The following ZFHX3 variants were observed in gnomAD, a reference collection of about 807,000 sequenced individuals.
ZFHX3 encodes the protein zinc finger homeobox protein 3.
ZFHX3 carries 42 observed loss-of-function variants against 279.1 expected under a neutral mutation model. The observed-to-expected ratio is 0.15, with a 90% CI of 0.12 to 0.19. The LOEUF is 0.19. Among genes scored for constraint, ZFHX3 ranks in the 10% least tolerant of loss-of-function variants. ZFHX3 has a pLI of 1.00. For synonymous variants in ZFHX3, 2,293 were observed against 1,957.8 expected (o/e 1.17, Z -4.52); for missense variants, 4,981 against 4,754.0 (o/e 1.05, Z -1.40).
chr16:73,687,350 A>C (rs1485338468), intron 1 of ZFHX3, among the ~76,000 whole-genome samples: 1 of 150,818 alleles, frequency 6.6e-6, no homozygotes, highest in Non-Finnish European at 1.5e-5. Context: ...ACCACCGCAC[A>C]CCAGCCTGGG....
At chr16:73,485,077 C>T (rs2018949674) in intron 2 of ZFHX3, among the ~76,000 whole-genome samples, 1 of 152,100 alleles carries the variant, frequency 6.6e-6, no homozygotes, top group South Asian at 2.1e-4. Flanking sequence ...GAAGTAATGG[C>T]TAGTTGCATG....
At chr16:73,041,965 G>C (rs940553160) in intron 1 of ZFHX3, among the ~76,000 whole-genome samples, 1 of 152,268 alleles carries the variant, frequency 6.6e-6, no homozygotes, top group African/African-American at 2.4e-5. Flanking sequence ...GAGAAGAAAG[G>C]CACCCATGTG....
At chr16:73,538,360 T>TA (rs376262076) in intron 2 of ZFHX3, among the ~76,000 whole-genome samples, 31 of 151,652 alleles carry the variant, frequency 2.0e-4, no homozygotes, top group African/African-American at 6.8e-4. Context: ...TCATGAAAAA[T>TA]AAAAAAAAGT....
At chr16:73,677,975 C>G (rs1404136996) in intron 2 of ZFHX3, among the ~76,000 whole-genome samples, 2 of 152,014 alleles carry the variant, frequency 1.3e-5, no homozygotes, top group Non-Finnish European at 2.9e-5. Flanking sequence ...AGATACCAGT[C>G]TACTCCAATA....
At chr16:73,065,254 A>G (rs1010902353) in intron 8 of ZFHX3, among the ~76,000 whole-genome samples, 1 of 152,232 alleles carries the variant, frequency 6.6e-6, no homozygotes, top group Non-Finnish European at 1.5e-5. Flanking sequence ...GTTGACACGC[A>G]GACACGCAGG....
intron 1 of ZFHX3, among the ~76,000 whole-genome samples, chr16:73,832,551 T>C (rs1961026625): frequency 6.6e-6 from 1 of 152,186 alleles, no homozygotes; most frequent in Admixed American, 6.5e-5. Flanking sequence ...TTTTTTATTT[T>C]TGTTTAAGAG....
At chr16:73,382,623 C>G in intron 3 of ZFHX3, among the ~76,000 whole-genome samples, 1 of 148,818 alleles carries the variant, frequency 6.7e-6, no homozygotes, top group African/African-American at 2.6e-5. Flanking sequence ...CAGACTACCC[C>G]ACTTGCCCCA....
At position 73,127,751 on chromosome 16, in the gene ZFHX3, C is replaced by T. The variant is rs377264297; in HGVS notation, c.-897+3217G>A. ...TGGCTGCAGAGAAAGTTGGACAATG[C>T]CTGGTCCTATCACAGACAGAAGCAG... is the stretch of plus-strand genomic sequence containing the variant. On this transcript the variant is annotated intron_variant, in intron 7 of 17. Coordinates refer to the ZFHX3 transcript ENST00000641206. Among the ~76,000 whole-genome samples the T allele has an allele frequency of 4.0e-4, 61 of 152,312 alleles. No individual in the cohort carries two copies. The East Asian group carries it at 7.1e-3, about 18-fold the overall frequency.
chr16:73,225,955 C>T (rs567041740), intron 5 of ZFHX3, among the ~76,000 whole-genome samples: 2 of 152,344 alleles, frequency 1.3e-5, no homozygotes, highest in Admixed American at 6.5e-5. Flanking sequence ...AGCACCTGAG[C>T]TCCTGGTCCC....
At position 73,423,519 on chromosome 16, in the gene ZFHX3, T is replaced by A. The variant is rs545633203; in HGVS notation, c.-1291+32484A>T. On this transcript the variant is annotated intron_variant, in intron 3 of 17. Coordinates refer to the ZFHX3 transcript ENST00000641206. The stretch of plus-strand genomic sequence containing the variant: ...GTTTAGGTCTGGTCATTTGTCCCAA[T>A]GGAAGGAAAGCCTGCTGAAGGATTC... 5.3e-5 allele frequency among the ~76,000 whole-genome samples: 8 copies of A among 152,278 alleles called. No homozygotes were observed. In the South Asian group the frequency reaches 1.7e-3, roughly 32 times the overall value.
intron 3 of ZFHX3, among the ~76,000 whole-genome samples, chr16:72,907,411 A>T (rs1164762393): frequency 6.6e-6 from 1 of 151,872 alleles, no homozygotes; most frequent in Non-Finnish European, 1.5e-5. Context: ...CACCTCTAAA[A>T]ATTATCCTCA....
chr16:73,833,892 A>G (rs1364594162), intron 1 of ZFHX3, among the ~76,000 whole-genome samples: 1 of 150,836 alleles, frequency 6.6e-6, no homozygotes, highest in Admixed American at 6.6e-5. Context: ...ATATATGTAT[A>G]TGTATGTGTA....
chr16:73,576,213 C>G (rs2051797945), intron 2 of ZFHX3, among the ~76,000 whole-genome samples: 1 of 152,146 alleles, frequency 6.6e-6, no homozygotes, highest in Admixed American at 6.6e-5. Flanking sequence ...GTAATCTGTA[C>G]ATACGATTTA....
intron 1 of ZFHX3, among the ~76,000 whole-genome samples, chr16:73,838,217 A>G (rs759866325): frequency 2.6e-4 from 39 of 152,146 alleles, no homozygotes; most frequent in Non-Finnish European, 4.9e-4. Flanking sequence ...TAGGACTTAC[A>G]TGTTGCTTTT....
At chr16:73,303,936 C>G (rs7197525) in intron 4 of ZFHX3, among the ~76,000 whole-genome samples, 1 of 126,358 alleles carries the variant, frequency 7.9e-6, no homozygotes, top group Non-Finnish European at 1.6e-5. Context: ...CTCACCCAAT[C>G]TGATGGAGGT....
chr16:73,426,639 A>G (rs2017815635), intron 3 of ZFHX3, among the ~76,000 whole-genome samples: 1 of 152,112 alleles, frequency 6.6e-6, no homozygotes, highest in Admixed American at 6.6e-5. Context: ...ATGAAGAAAT[A>G]TGTGTATGTG....
intron 1 of ZFHX3, among the ~76,000 whole-genome samples, chr16:73,735,567 C>A (rs950708232): frequency 1.3e-5 from 2 of 152,102 alleles, no homozygotes; most frequent in South Asian, 2.1e-4. Context: ...TCAGAAATAA[C>A]CTGGTTTGCA....
chr16:73,491,161 T>C (rs1331349525), intron 2 of ZFHX3, among the ~76,000 whole-genome samples: 3 of 152,230 alleles, frequency 2.0e-5, no homozygotes, highest in Non-Finnish European at 4.4e-5. Flanking sequence ...GCTTGACATA[T>C]CACATCCACA....
chr16:73,516,864 G>A (rs959208353), intron 2 of ZFHX3, among the ~76,000 whole-genome samples: 15 of 152,148 alleles, frequency 9.9e-5, no homozygotes, highest in Non-Finnish European at 1.9e-4. Context: ...CCACCGTGGG[G>A]CTCATCTTGA....
Sources: gnomAD v4.1 joint callset for allele counts (sites outside exome capture counted in the v4.1 genomes callset) on GRCh38, gnomAD v4.1.1 for gene constraint, MANE v1.5 for transcripts, NCBI Gene and HGNC (gene_info 2026-07-23, HGNC 2026-07-21) for gene names.